Variants in RSU1 observed in about 807,000 individuals in gnomAD.
RSU1 encodes Ras suppressor protein 1, also known as rsu-1.
In RSU1, 26 loss-of-function variants were observed where a neutral mutation model predicts 31.1. The ratio of observed to expected loss-of-function variants is 0.84; its 90% confidence interval spans 0.61 to 1.16. The LOEUF (loss-of-function observed/expected upper bound fraction) is 1.16, where lower values mean the gene tolerates loss of function less well. Ranked by LOEUF, RSU1 falls within the 50% of genes most tolerant of loss-of-function variation. RSU1 has a pLI of 0.00. For synonymous variants in RSU1, 164 were observed against 136.3 expected (o/e 1.20, Z -1.41); for missense variants, 320 against 339.1 (o/e 0.94, Z 0.44).
chr10:16,619,542 A>G (rs988386676), intron 8 of RSU1, among the ~76,000 whole-genome samples: 1 of 152,234 alleles, frequency 6.6e-6, no homozygotes, highest in Admixed American at 6.5e-5. Context: ...GCTTCCCATC[A>G]GTAGGTATCT....
At chr10:16,688,420 C>T (rs1835477812) in intron 8 of RSU1, among the ~76,000 whole-genome samples, 4 of 152,068 alleles carry the variant, frequency 2.6e-5, no homozygotes. Context: ...TCCTGGCCAA[C>T]AAGGCGAAAC....
chr10:16,718,425 A>G (rs1429142250), intron 7 of RSU1, among the ~76,000 whole-genome samples: 4 of 152,236 alleles, frequency 2.6e-5, no homozygotes, highest in Admixed American at 2.6e-4. Flanking sequence ...TTATCATTTT[A>G]TTTGATTATC....
chr10:16,806,543 A>G (rs1056350317), intron 2 of RSU1, among the ~76,000 whole-genome samples: 3 of 152,132 alleles, frequency 2.0e-5, no homozygotes, highest in African/African-American at 7.2e-5. Flanking sequence ...ATTAATCCAT[A>G]CAGAGGGCTT....
chr10:16,672,342 AC>A (rs1835124224), intron 8 of RSU1, among the ~76,000 whole-genome samples: 1 of 151,988 alleles, frequency 6.6e-6, no homozygotes, highest in Non-Finnish European at 1.5e-5. Flanking sequence ...CTGCCATATG[AC>A]CCACGCATTC....
chr10:16,620,468 C>T (rs1834049353), intron 8 of RSU1, among the ~76,000 whole-genome samples: 1 of 151,558 alleles, frequency 6.6e-6, no homozygotes, highest in Non-Finnish European at 1.5e-5. Context: ...AGTGGGGGAA[C>T]CAGATGTGGC....
intron 8 of RSU1, among the ~76,000 whole-genome samples, chr10:16,614,455 C>T (rs1030216662): frequency 6.6e-6 from 1 of 151,514 alleles, no homozygotes; most frequent in East Asian, 1.9e-4. Flanking sequence ...GCACTATAGT[C>T]CCCCCACCAC....
chr10:16,752,237 T>C (rs1470893174), intron 7 of RSU1, among the ~76,000 whole-genome samples: 1 of 152,204 alleles, frequency 6.6e-6, no homozygotes, highest in Non-Finnish European at 1.5e-5. Context: ...GAGCCAGGGA[T>C]AAGGCTCTTA....
At chr10:16,761,089 G>C (rs1416372486) in intron 4 of RSU1, among the ~76,000 whole-genome samples, 1 of 152,070 alleles carries the variant, frequency 6.6e-6, no homozygotes, top group African/African-American at 2.4e-5. Context: ...TGCGATCACA[G>C]GCACGTGCCA....
chr10:16,642,904 TAAC>T (rs1343696342), intron 8 of RSU1, among the ~76,000 whole-genome samples: 2 of 152,204 alleles, frequency 1.3e-5, no homozygotes, highest in African/African-American at 2.4e-5. Flanking sequence ...ATTCTTTAAA[TAAC>T]AAGTCAAAAC....
intron 8 of RSU1, among the ~76,000 whole-genome samples, chr10:16,663,680 ACT>A (rs1263944654): frequency 6.6e-6 from 1 of 151,940 alleles, no homozygotes; most frequent in Non-Finnish European, 1.5e-5. Context: ...TCACCCTTGC[ACT>A]CTCTTAGTTT....
At chr10:16,770,954 AT>A (rs1837413155) in intron 3 of RSU1, among the ~76,000 whole-genome samples, 1 of 120,152 alleles carries the variant, frequency 8.3e-6, no homozygotes, top group Non-Finnish European at 1.6e-5. Context: ...ACATATTGCT[AT>A]TTAAAAAAAA....
intron 1 of RSU1, 28 bp downstream of exon 1, chr10:16,817,287 C>A: frequency 1.7e-6 from 1 of 576,502 alleles, no homozygotes; most frequent in Non-Finnish European, 3.1e-6. Context: ...CGAGAAGCAA[C>A]CCCAAGTGCA....
intron 2 of RSU1, among the ~76,000 whole-genome samples, chr10:16,805,983 G>A (rs1838258629): frequency 6.6e-6 from 1 of 152,198 alleles, no homozygotes; most frequent in Non-Finnish European, 1.5e-5. Context: ...GACTTAAAGG[G>A]AGAGTGACTA....
chr10:16,722,994 A>G (rs529267943), intron 7 of RSU1: 15 of 151,024 alleles, frequency 9.9e-5, no homozygotes, highest in Admixed American at 6.0e-4. Flanking sequence ...ACATATACAT[A>G]TATGCATATA....
At chr10:16,672,066 A>G (rs1473868139) in intron 8 of RSU1, among the ~76,000 whole-genome samples, 1 of 150,380 alleles carries the variant, frequency 6.6e-6, no homozygotes, top group African/African-American at 2.4e-5. Flanking sequence ...TAGGAGGCTG[A>G]GGCAGGCGGA....
intron 8 of RSU1, among the ~76,000 whole-genome samples, chr10:16,642,369 A>G (rs879275241): frequency 6.6e-6 from 1 of 152,192 alleles, no homozygotes; most frequent in Non-Finnish European, 1.5e-5. Context: ...GCAGGCAGAA[A>G]CTGCACCAAT....
chr10:16,717,692 A>G (rs927202002), intron 7 of RSU1, among the ~76,000 whole-genome samples: 9 of 152,234 alleles, frequency 5.9e-5, no homozygotes, highest in African/African-American at 2.2e-4. Flanking sequence ...AGTCAAGCAC[A>G]GACCAAGGAC....
At chr10:16,679,686 C>T (rs371301189) in intron 8 of RSU1, among the ~76,000 whole-genome samples, 1 of 152,054 alleles carries the variant, frequency 6.6e-6, no homozygotes, top group East Asian at 1.9e-4. Context: ...GGATGTAACC[C>T]GGCCTTGTCT....
At chr10:16,785,469 T>TATACACAC (rs1190894470) in intron 2 of RSU1, among the ~76,000 whole-genome samples, 1 of 130,694 alleles carries the variant, frequency 7.7e-6, no homozygotes, top group Non-Finnish European at 1.5e-5. Context: ...CATATATATA[T>TATACACAC]ACACATATAT....
Sources: gnomAD v4.1 joint callset for allele counts (sites outside exome capture counted in the v4.1 genomes callset) on GRCh38, gnomAD v4.1.1 for gene constraint, MANE v1.5 for transcripts, NCBI Gene and HGNC (gene_info 2026-07-23, HGNC 2026-07-21) for gene names.